DCC: variants seen among roughly 807,000 people sequenced by gnomAD.
DCC encodes the protein netrin receptor DCC.
Under a neutral mutation model 172.5 loss-of-function variants are expected in DCC, and 58 were observed. The observed-to-expected ratio is 0.34, with a 90% CI of 0.27 to 0.42. The LOEUF is 0.42. Ranked by LOEUF, DCC falls within the 10% of genes least tolerant of loss-of-function variation. DCC has a pLI of 1.00. For synonymous variants in DCC, 709 were observed against 644.5 expected, an observed-to-expected ratio of 1.10 and a Z score of -1.52; for missense variants, 1,740 against 1,791.0, an observed-to-expected ratio of 0.97 and a Z score of 0.51.
chr18:52,894,863 G>T (rs1332700766), intron 2 of DCC, among the ~76,000 whole-genome samples: 1 of 152,188 alleles, frequency 6.6e-6, no homozygotes, highest in East Asian at 1.9e-4. Context: ...GTTTTATTCA[G>T]TCTATTGATT....
chr18:53,389,141 A>G (rs1306598755), intron 16 of DCC, among the ~76,000 whole-genome samples: 3 of 152,136 alleles, frequency 2.0e-5, no homozygotes, highest in Admixed American at 6.5e-5. Context: ...TTACAAAAAC[A>G]CCTGTTAGGA....
At chr18:52,555,552 G>T (rs545447612) in intron 1 of DCC, among the ~76,000 whole-genome samples, 1 of 152,074 alleles carries the variant, frequency 6.6e-6, no homozygotes, top group Admixed American at 6.6e-5. Flanking sequence ...CTTCTGTTTT[G>T]CACATCTATA....
At chr18:53,498,920 G>A (rs1183641599) in intron 26 of DCC, among the ~76,000 whole-genome samples, 2 of 152,172 alleles carry the variant, frequency 1.3e-5, no homozygotes, top group Non-Finnish European at 2.9e-5. Context: ...TAATGCAGCT[G>A]TAACAGGGTT....
intron 1 of DCC, 118 bp downstream of exon 1, chr18:52,340,996 G>T (rs1322918105): frequency 1.2e-6 from 1 of 850,530 alleles, no homozygotes. Flanking sequence ...TGGCGCTTGC[G>T]CTGCCCCCAT....
At chr18:52,633,613 A>C (rs1425627517) in intron 1 of DCC, among the ~76,000 whole-genome samples, 4 of 152,226 alleles carry the variant, frequency 2.6e-5, no homozygotes, top group African/African-American at 9.6e-5. Flanking sequence ...TAAAAAATCA[A>C]ATGAACCTCA....
At chr18:52,575,881 A>T (rs1319891593) in intron 1 of DCC, among the ~76,000 whole-genome samples, 2 of 152,150 alleles carry the variant, frequency 1.3e-5, no homozygotes, top group Admixed American at 6.5e-5. Context: ...AAAGGTGCTA[A>T]GGTAGTGGAA....
intron 12 of DCC, among the ~76,000 whole-genome samples, chr18:53,298,527 C>CAAAAAAA (rs61387067): frequency 3.0e-5 from 1 of 33,088 alleles, no homozygotes; most frequent in Non-Finnish European, 6.4e-5. Flanking sequence ...GACCCTGACT[C>CAAAAAAA]AAAAAAAAAA....
chr18:53,482,397 C>T (rs1465648232), intron 25 of DCC, among the ~76,000 whole-genome samples: 1 of 151,958 alleles, frequency 6.6e-6, no homozygotes, highest in Non-Finnish European at 1.5e-5. Context: ...AGCAAAAATA[C>T]AAAACTATTA....
At chr18:53,307,149 A>G (rs1051178567) in intron 13 of DCC, among the ~76,000 whole-genome samples, 2 of 152,176 alleles carry the variant, frequency 1.3e-5, no homozygotes, top group African/African-American at 4.8e-5. Flanking sequence ...TAATTTTAGC[A>G]TAATGGCCAG....
At position 53,405,995 on chromosome 18, in the gene DCC, A is replaced by G. The variant is rs148943350; in HGVS notation, c.2935+3102A>G. Among the ~76,000 whole-genome samples the G allele has an allele frequency of 1.1e-3, 165 of 152,308 alleles. 2 individuals carry two copies. The highest frequency in any genetic ancestry group is 3.8e-3 in the African/African-American group (158 of 41,576). On this transcript the variant is annotated intron_variant, in intron 19 of 28. Transcript: ENST00000442544. ...CAGCTGAGATTTTAATTTAATTCATATGAGAAGGGACTGAGCATGGTAATT... is the reference window on the plus strand; with the variant it reads ...CAGCTGAGATTTTAATTTAATTCATGTGAGAAGGGACTGAGCATGGTAATT...
chr18:52,602,614 G>A (rs560462551), intron 1 of DCC, among the ~76,000 whole-genome samples: 16 of 151,758 alleles, frequency 1.1e-4, no homozygotes, highest in African/African-American at 2.9e-4. Context: ...TTAAAATCAC[G>A]TATATTCAAC....
At chr18:52,847,912 G>A (rs1443243778) in intron 2 of DCC, among the ~76,000 whole-genome samples, 3 of 152,016 alleles carry the variant, frequency 2.0e-5, no homozygotes, top group African/African-American at 7.3e-5. Context: ...GTAATCTCTG[G>A]TTTCTCCAGT....
chr18:52,512,133 T>G (rs1049938299), intron 1 of DCC, among the ~76,000 whole-genome samples: 1 of 152,182 alleles, frequency 6.6e-6, no homozygotes, highest in Non-Finnish European at 1.5e-5. Context: ...CTCAGCATTA[T>G]GAGAATGTGT....
rs572432010 is a variant in DCC at position 52,741,927 on chromosome 18, G to A, written c.92-10127G>A. ...CCAATGTTATAGTATTAAGAGGTGGGACTTTGGGGAGATAATTAGGGTTAG... is the reference window on the plus strand; with the variant it reads ...CCAATGTTATAGTATTAAGAGGTGGAACTTTGGGGAGATAATTAGGGTTAG... On this transcript the variant is annotated intron_variant, in intron 1 of 28. Coordinates refer to ENST00000442544, the MANE Select transcript of DCC (RefSeq NM_005215.4). 3.3e-5 allele frequency among the ~76,000 whole-genome samples: 5 copies of A among 152,252 alleles called. No homozygotes were observed. In the South Asian group the frequency reaches 1.0e-3, roughly 32 times the overall value.
intron 6 of DCC, among the ~76,000 whole-genome samples, chr18:53,064,314 G>C (rs923351396): frequency 3.3e-5 from 5 of 152,128 alleles, no homozygotes; most frequent in Non-Finnish European, 7.4e-5. Flanking sequence ...TGGAGGTTCT[G>C]ATTTTAGGTA....
In DCC at chr18:52,711,108, G is replaced by A. The variant is rs555745684; in HGVS notation, c.92-40946G>A. Among the ~76,000 whole-genome samples, 10 of 152,216 alleles carry A rather than the reference G, an allele frequency of 6.6e-5. No homozygotes were observed. The South Asian group carries it at 1.5e-3, about 22-fold the overall frequency. Reference sequence around the variant, plus strand: ...CTATATGCCAGTCATTTTACACTGCGACTTTATATTCCTTTTCCATGATGG... The same window carrying A: ...CTATATGCCAGTCATTTTACACTGCAACTTTATATTCCTTTTCCATGATGG... On this transcript the variant is annotated intron_variant, in intron 1 of 28. Coordinates refer to ENST00000442544, the MANE Select transcript of DCC (RefSeq NM_005215.4).
intron 22 of DCC, among the ~76,000 whole-genome samples, chr18:53,447,114 T>C (rs190982438): frequency 6.5e-4 from 99 of 152,328 alleles, no homozygotes; most frequent in African/African-American, 2.4e-3. Flanking sequence ...GATAAAACAG[T>C]GTGATCAGAG....
intron 2 of DCC, among the ~76,000 whole-genome samples, chr18:52,837,601 C>G (rs1366673773): frequency 6.6e-6 from 1 of 152,136 alleles, no homozygotes; most frequent in African/African-American, 2.4e-5. Context: ...CTATCACTGT[C>G]AGCATTTTGG....
At chr18:53,230,493 CTATT>C (rs1362855834) in intron 12 of DCC, among the ~76,000 whole-genome samples, 1 of 151,926 alleles carries the variant, frequency 6.6e-6, no homozygotes, top group Non-Finnish European at 1.5e-5. Flanking sequence ...TGTCATTCAG[CTATT>C]TATTCATGAA....
Sources: gnomAD v4.1 joint callset for allele counts (sites outside exome capture counted in the v4.1 genomes callset) on GRCh38, gnomAD v4.1.1 for gene constraint, MANE v1.5 for transcripts, NCBI Gene and HGNC (gene_info 2026-07-23, HGNC 2026-07-21) for gene names.